Variants in TNKS2 observed in about 807,000 individuals in gnomAD.
The protein encoded by TNKS2 is poly [ADP-ribose] polymerase tankyrase-2.
Under a neutral mutation model 137.6 loss-of-function variants are expected in TNKS2, and 72 were observed. The ratio of observed to expected loss-of-function variants is 0.52; its 90% CI spans 0.43 to 0.64. TNKS2 has a LOEUF of 0.64. Among genes scored for constraint, TNKS2 ranks in the 30% least tolerant of loss-of-function variants. TNKS2 has a pLI of 0.00. For missense variants in TNKS2, 1,049 were observed against 1,410.2 expected (o/e 0.74, Z 4.10); for synonymous variants, 516 against 512.1 (o/e 1.01, Z -0.10).
At chr10:91,819,617 G>C in intron 5 of TNKS2, 60 bp downstream of exon 5, 8 of 1,240,296 alleles carry the variant, frequency 6.5e-6, no homozygotes, top group Non-Finnish European at 7.9e-6. Flanking sequence ...ATAAAGATGT[G>C]TTTATCTTAT....
Position 91,842,104 on chromosome 10 carries a change from T to A in TNKS2, c.1840-68T>A, listed in dbSNP as rs528215629. 14 of 1,096,188 alleles carry A rather than the reference T, an allele frequency of 1.3e-5. 1 individual carries two copies. In the East Asian group the frequency reaches 2.2e-4, roughly 17 times the overall value. The allele number at this position is 1,096,188 out of a possible 1,614,324, so 67.9% of individuals were successfully genotyped here. On this transcript the variant is annotated intron_variant, in intron 15 of 26. Transcript: ENST00000371627. ...TTTCTTTGGTATAGTTAACACTGACTATTTTCTCATTGACCAAAGGCACAT... is the reference window on the plus strand; with the variant it reads ...TTTCTTTGGTATAGTTAACACTGACAATTTTCTCATTGACCAAAGGCACAT...
chr10:91,835,516 C>A (rs1230005815), intron 12 of TNKS2, among the ~76,000 whole-genome samples: 1 of 150,704 alleles, frequency 6.6e-6, no homozygotes, highest in Non-Finnish European at 1.5e-5. Flanking sequence ...GTCTCAAACT[C>A]CTGACCTTGT....
At chr10:91,858,021 T>G (rs1254319840) in intron 24 of TNKS2, among the ~76,000 whole-genome samples, 1 of 152,234 alleles carries the variant, frequency 6.6e-6, no homozygotes, top group Non-Finnish European at 1.5e-5. Flanking sequence ...GCACAATTAC[T>G]TATTCTTCTT....
At chr10:91,801,143 A>G (rs1316744182) in intron 1 of TNKS2, among the ~76,000 whole-genome samples, 3 of 152,200 alleles carry the variant, frequency 2.0e-5, no homozygotes. Flanking sequence ...TAATATTAGG[A>G]CTGAGAGATT....
chr10:91,852,453 G>A (rs181173196), intron 21 of TNKS2, among the ~76,000 whole-genome samples: 74 of 140,954 alleles, frequency 5.2e-4, no homozygotes, highest in Admixed American at 2.4e-3. Context: ...CCACTTACTC[G>A]GGAGGCCGAG....
At chr10:91,815,187 C>G (rs560488507) in intron 2 of TNKS2, among the ~76,000 whole-genome samples, 214 of 152,250 alleles carry the variant, frequency 1.4e-3, no homozygotes, top group African/African-American at 5.0e-3. Flanking sequence ...AGATAGAAAG[C>G]CAGTTCAGTG....
At chr10:91,812,807 T>C in intron 1 of TNKS2, 176 bp from the exon 2 acceptor site, 1 of 985,182 alleles carries the variant, frequency 1.0e-6, no homozygotes. Context: ...TCCCTCTGGC[T>C]TTATCATTAA....
rs539181403 is a variant in TNKS2, at chr10:91,818,337, G to C, written c.521-933G>C. ...AAGAAAAGAAATAAAAGAGTTCATA[G>C]TTAATCCTTTTTTATATTTGTATAT... On this transcript the variant is annotated intron_variant, in intron 3 of 26. Coordinates refer to ENST00000371627, the MANE Select transcript of TNKS2 (RefSeq NM_025235.4). Among the ~76,000 whole-genome samples, 32 of 152,052 alleles carry C rather than the reference G, an allele frequency of 2.1e-4. No individual in the cohort carries two copies. In the South Asian group the frequency reaches 3.1e-3, roughly 15 times the overall value.
At chr10:91,834,639 G>T (rs931837906) in intron 12 of TNKS2, among the ~76,000 whole-genome samples, 1 of 152,192 alleles carries the variant, frequency 6.6e-6, no homozygotes, top group South Asian at 2.1e-4. Flanking sequence ...GTAAATCCTT[G>T]ATGATCTTTA....
intron 7 of TNKS2, among the ~76,000 whole-genome samples, chr10:91,823,807 T>G (rs117671730): frequency 6.6e-6 from 1 of 152,208 alleles, no homozygotes; most frequent in Admixed American, 6.5e-5. Flanking sequence ...GACACTTGTT[T>G]CCAGTGCCTC....
intron 1 of TNKS2, among the ~76,000 whole-genome samples, chr10:91,810,395 C>CAA: frequency 9.3e-6 from 1 of 107,776 alleles, no homozygotes; most frequent in East Asian, 4.2e-4. Context: ...AAAACAACAA[C>CAA]AACAAAAAAA....
In TNKS2 at chr10:91,813,133, C is replaced by T. The variant is rs147839149; in HGVS notation, c.350C>T (p.Pro117Leu). ...VNLLLRHGAD[P>L]NARDNWNYTP... The stretch of plus-strand genomic sequence containing the variant: ...CTCCTTTTGCGACATGGTGCAGACC[C>T]CAATGCTCGAGATAATTGGAATTAT... Residue 117 changes from proline (P) to leucine (L), a missense_variant, in exon 2 of 27, where the codon CCC (proline) becomes CTC (leucine). Pro to Leu is a moderately conservative substitution (Grantham distance 98). This residue lies in a region of TNKS2 where 374 missense variants were observed against 460.8 expected (regional missense o/e 0.81). Transcript: ENST00000371627. The T allele has an allele frequency of 1.2e-6, 2 of 1,613,946 alleles. No individual in the cohort carries two copies. Among genetic ancestry groups the T allele is most frequent in the Non-Finnish European group, 1.7e-6 (2 of 1,180,016 alleles).
intron 7 of TNKS2, among the ~76,000 whole-genome samples, chr10:91,826,107 C>A (rs1845059600): frequency 6.6e-6 from 1 of 152,162 alleles, no homozygotes; most frequent in Admixed American, 6.5e-5. Flanking sequence ...AATGAGAAAT[C>A]TTGAGGATGG....
chr10:91,834,014 A>C lies in TNKS2; in HGVS notation c.1437A>C (p.Gln479His), dbSNP rs1030784160. The C allele has an allele frequency of 6.3e-7, 1 of 1,599,070 alleles. No individual in the cohort carries two copies. The highest frequency in any genetic ancestry group is 8.5e-7 in the Non-Finnish European group (1 of 1,174,956). ...ALQMGNENVQQLLQEGISLGN... is the reference protein window; with the variant it reads ...ALQMGNENVQHLLQEGISLGN... Reference sequence around the variant, plus strand: ...AGATGGGAAATGAAAATGTACAGCAACTCCTCCAAGGTATTACATGCTTCA... The same window carrying C: ...AGATGGGAAATGAAAATGTACAGCACCTCCTCCAAGGTATTACATGCTTCA... Residue 479 changes from glutamine to histidine, a missense_variant, in exon 12 of 27, where the codon CAA becomes CAC. Gln to His is a conservative substitution (Grantham distance 24). Around this residue, in one of 6 missense-constraint regions of TNKS2, gnomAD observed 328 missense variants for 436.0 expected, o/e 0.75. Transcript: ENST00000371627.
At chr10:91,849,080 A>G (rs1452617475) in intron 19 of TNKS2, among the ~76,000 whole-genome samples, 1 of 151,942 alleles carries the variant, frequency 6.6e-6, no homozygotes, top group South Asian at 2.1e-4. Flanking sequence ...CAGGTGATCC[A>G]CCCGCCTCGG....
At chr10:91,808,349 A>G (rs1022913096) in intron 1 of TNKS2, among the ~76,000 whole-genome samples, 16 of 151,970 alleles carry the variant, frequency 1.1e-4, no homozygotes, top group African/African-American at 3.4e-4. Context: ...AAAGTATATT[A>G]TAGTTGGGAA....
intron 4 of TNKS2, 54 bp from the exon 5 acceptor site, chr10:91,819,428 T>C: frequency 6.8e-7 from 1 of 1,481,184 alleles, no homozygotes; most frequent in Non-Finnish European, 9.1e-7. Context: ...AGTACTTATC[T>C]TGAGGAACAT....
rs1364552036 is a variant in TNKS2 at position 91,833,966 on chromosome 10, C to G, written c.1389C>G (p.Ser463=). 1 of 1,613,004 alleles carries G rather than the reference C, an allele frequency of 6.2e-7. No homozygotes were observed. Among genetic ancestry groups the G allele is most frequent in the African/African-American group, 1.3e-5 (1 of 74,880 alleles). Residue 463 remains serine (S), a synonymous_variant, in exon 12 of 27, where the codon TCC becomes TCG. Coordinates refer to ENST00000371627, the MANE Select transcript of TNKS2 (RefSeq NM_025235.4). ...ATGGGTGTGATCCTAACATTATATCCCTTCAGGGCTTTACTGCTTTACAGA... is the reference window on the plus strand; with the variant it reads ...ATGGGTGTGATCCTAACATTATATCGCTTCAGGGCTTTACTGCTTTACAGA... ...LSYGCDPNII[S]LQGFTALQMG...
At position 91,842,395 on chromosome 10, in the gene TNKS2, A is replaced by G; in HGVS notation, c.2059+4A>G. ...TCAACACCTTTACATTTAGCAGGTAAGTGAATGAAGTTTCACAGATTTAGG... is the reference window on the plus strand; with the variant it reads ...TCAACACCTTTACATTTAGCAGGTAGGTGAATGAAGTTTCACAGATTTAGG... On this transcript the variant is annotated splice_donor_region_variant and intron_variant, in intron 16 of 26. Transcript: ENST00000371627. 1 of 1,613,038 alleles carries G rather than the reference A, an allele frequency of 6.2e-7. No individual in the cohort carries two copies. The highest frequency in any genetic ancestry group is 8.5e-7 in the Non-Finnish European group (1 of 1,179,112).
Sources: allele counts gnomAD v4.1 joint callset (sites outside exome capture counted in the v4.1 genomes callset), GRCh38; gene constraint gnomAD v4.1.1; regional missense constraint gnomAD v4.1.1; transcripts MANE v1.5; gene names NCBI Gene and HGNC (gene_info 2026-07-23, HGNC 2026-07-21).